EHBP1: variants seen among roughly 807,000 people sequenced by gnomAD.
EHBP1 encodes the protein EH domain-binding protein 1.
Under a neutral mutation model 144.0 loss-of-function variants are expected in EHBP1, and 55 were observed. That is an observed-to-expected ratio of 0.38 (90% CI 0.31 to 0.48). EHBP1 has a LOEUF of 0.48. Ranked by LOEUF, EHBP1 falls within the 20% of genes least tolerant of loss-of-function variation. The pLI, the probability that EHBP1 is intolerant of heterozygous loss-of-function variation, is 0.98. For missense variants in EHBP1, 1,200 were observed against 1,364.2 expected, an observed-to-expected ratio of 0.88 and a Z score of 1.90; for synonymous variants, 469 against 472.7, an observed-to-expected ratio of 0.99 and a Z score of 0.10.
chr2:62,845,491 GC>G (rs1410340857), intron 7 of EHBP1, among the ~76,000 whole-genome samples: 1 of 152,120 alleles, frequency 6.6e-6, no homozygotes, highest in Non-Finnish European at 1.5e-5. Context: ...GTATGACTCA[GC>G]CCTCTGAGAT....
At chr2:62,739,821 A>G (rs1403337468) in intron 2 of EHBP1, among the ~76,000 whole-genome samples, 1 of 151,750 alleles carries the variant, frequency 6.6e-6, no homozygotes, top group Non-Finnish European at 1.5e-5. Context: ...CTGTAGTCCT[A>G]GCTACTCAGG....
At chr2:62,836,164 C>A (rs2047230110) in intron 7 of EHBP1, among the ~76,000 whole-genome samples, 1 of 152,188 alleles carries the variant, frequency 6.6e-6, no homozygotes, top group Non-Finnish European at 1.5e-5. Context: ...CAGACTGCCT[C>A]CTCAAATGGG....
intron 4 of EHBP1, among the ~76,000 whole-genome samples, chr2:62,767,833 C>CAAAAAAAAAA (rs1208266767): frequency 2.6e-5 from 2 of 76,424 alleles, no homozygotes; most frequent in Non-Finnish European, 2.4e-5. Flanking sequence ...AAGACTCTGT[C>CAAAAAAAAAA]AAAAAAAAAA....
At chr2:62,937,390 T>G (rs2056453292) in intron 10 of EHBP1, among the ~76,000 whole-genome samples, 1 of 152,212 alleles carries the variant, frequency 6.6e-6, no homozygotes, top group Non-Finnish European at 1.5e-5. Flanking sequence ...TTAAATTAGC[T>G]AATCTGTGTA....
At chr2:62,837,222 T>C (rs1476162719) in intron 7 of EHBP1, among the ~76,000 whole-genome samples, 1 of 146,030 alleles carries the variant, frequency 6.8e-6, no homozygotes, top group Non-Finnish European at 1.5e-5. Context: ...ACCCAGAATT[T>C]CATATCCAGC....
intron 14 of EHBP1, among the ~76,000 whole-genome samples, chr2:62,977,874 A>T (rs1292120868): frequency 6.6e-6 from 1 of 152,076 alleles, no homozygotes; most frequent in African/African-American, 2.4e-5. Context: ...GGTTGGGGGG[A>T]TAGTCAGGGG....
At chr2:62,731,505 T>G (rs1261812388) in intron 2 of EHBP1, among the ~76,000 whole-genome samples, 3 of 152,188 alleles carry the variant, frequency 2.0e-5, no homozygotes, top group Non-Finnish European at 2.9e-5. Flanking sequence ...GCATCTAGTT[T>G]TTCACTGTTA....
chr2:62,778,780 A>G (rs187914490), intron 5 of EHBP1, among the ~76,000 whole-genome samples: 1 of 152,278 alleles, frequency 6.6e-6, no homozygotes. Context: ...CAATCTCTTG[A>G]TCTCGCAAAA....
At chr2:62,763,091 A>G (rs1173792585) in intron 3 of EHBP1, among the ~76,000 whole-genome samples, 1 of 151,894 alleles carries the variant, frequency 6.6e-6, no homozygotes, top group East Asian at 1.9e-4. Flanking sequence ...CTTTTCATGC[A>G]TTTACATGTG....
rs1290057723 is a variant in EHBP1 at position 62,966,533 on chromosome 2, T to TGTAA, written c.2460+10874_2460+10877dup. ...GACAGTGGTTGCTGTGCAGTAGAAG[T>TGTAA]GTAACTGAAAGAGAGTTATGTATTA... is the stretch of plus-strand genomic sequence containing the variant. On this transcript the variant is annotated intron_variant, in intron 14 of 22. Coordinates refer to ENST00000431489, the MANE Select transcript of EHBP1 (RefSeq NM_001142616.3). Among the ~76,000 whole-genome samples the TGTAA allele has an allele frequency of 2.6e-5, 4 of 152,198 alleles. No homozygotes were observed. In the South Asian group the frequency reaches 6.2e-4, roughly 24 times the overall value.
At chr2:63,004,133 A>G (rs553504088) in intron 19 of EHBP1, among the ~76,000 whole-genome samples, 3 of 152,184 alleles carry the variant, frequency 2.0e-5, no homozygotes, top group East Asian at 1.9e-4. Flanking sequence ...TTTTCTGTAC[A>G]TAACTTCTTT....
chr2:62,845,605 C>G (rs911117836), intron 7 of EHBP1, among the ~76,000 whole-genome samples: 3 of 151,488 alleles, frequency 2.0e-5, no homozygotes, highest in African/African-American at 7.3e-5. Flanking sequence ...GAGAGTAGGA[C>G]CATTAATTTG....
At chr2:62,854,395 A>C (rs1369057482) in intron 7 of EHBP1, among the ~76,000 whole-genome samples, 1 of 152,282 alleles carries the variant, frequency 6.6e-6, no homozygotes, top group African/African-American at 2.4e-5. Flanking sequence ...GAGGCCTAGC[A>C]TTCAGACTGT....
rs1454836711 is a variant in EHBP1, at chr2:62,838,397, C to T, written c.634+7239C>T. ...CCCACAAGAGAAAGCAGGAAAGATC[C>T]AAAATTGACACCCTAACATCACAAT... On this transcript the variant is annotated intron_variant, in intron 7 of 22. Transcript: ENST00000431489. Among the ~76,000 whole-genome samples, 72 of 150,752 alleles carry T rather than the reference C, an allele frequency of 4.8e-4. 1 individual carries two copies. Among genetic ancestry groups the T allele is most frequent in the African/African-American group, 1.5e-3 (63 of 41,342 alleles).
chr2:62,982,640 A>T (rs2059020733), intron 15 of EHBP1, among the ~76,000 whole-genome samples: 1 of 152,180 alleles, frequency 6.6e-6, no homozygotes, highest in African/African-American at 2.4e-5. Flanking sequence ...AGACCAGCCT[A>T]GATGGAGAAC....
At chr2:62,862,221 G>A (rs17473098) in intron 8 of EHBP1, among the ~76,000 whole-genome samples, 2 of 152,016 alleles carry the variant, frequency 1.3e-5, no homozygotes, top group Non-Finnish European at 2.9e-5. Flanking sequence ...CAGACTTTCA[G>A]CTCAGAATTT....
chr2:62,784,376 G>A (rs2042663581), intron 5 of EHBP1, among the ~76,000 whole-genome samples: 1 of 152,158 alleles, frequency 6.6e-6, no homozygotes, highest in South Asian at 2.1e-4. Flanking sequence ...CCTGGGTACT[G>A]TGATATTGGT....
chr2:62,757,376 A>C (rs2040378063), intron 3 of EHBP1, among the ~76,000 whole-genome samples: 1 of 149,596 alleles, frequency 6.7e-6, no homozygotes, highest in Admixed American at 6.6e-5. Flanking sequence ...ACTATGTTTT[A>C]GAAAGAGTTT....
chr2:62,706,009 G>GAGA lies in EHBP1; in HGVS notation c.-336_-334dup, dbSNP rs2034520264. 6.0e-6 allele frequency: 1 copy of GAGA among 165,568 alleles called. No homozygotes were observed. Among genetic ancestry groups the GAGA allele is most frequent in the Non-Finnish European group, 1.3e-5 (1 of 77,424 alleles). 10.3% of individuals were successfully genotyped at this position (165,568 alleles called of 1,614,324 possible). On this transcript the variant is annotated 5_prime_UTR_variant, in exon 1 of 23. Transcript: ENST00000431489. ...GCGGCGGCGACGGAGGAGCGGCTAT[G>GAGA]AGAAGGGAACGGGGCCAGACTCAGC... is the stretch of plus-strand genomic sequence containing the variant.
Sources: allele counts gnomAD v4.1 joint callset (sites outside exome capture counted in the v4.1 genomes callset), GRCh38; gene constraint gnomAD v4.1.1; transcripts MANE v1.5; gene names NCBI Gene and HGNC (gene_info 2026-07-23, HGNC 2026-07-21).